Variants in KIF16B observed in about 807,000 individuals in gnomAD.
The protein encoded by KIF16B is kinesin-like protein KIF16B.
A neutral mutation model predicts 156.3 loss-of-function variants in KIF16B; 98 were observed. The observed-to-expected ratio is 0.63, with a 90% CI of 0.53 to 0.74. The LOEUF (loss-of-function observed/expected upper bound fraction) is 0.74. Ranked by LOEUF, KIF16B falls within the 30% of genes least tolerant of loss-of-function variation. The pLI, the probability that KIF16B is intolerant of heterozygous loss-of-function variation, is 0.00. For synonymous variants in KIF16B, 564 were observed against 583.7 expected (o/e 0.97, Z 0.49); for missense variants, 1,421 against 1,606.5 (o/e 0.88, Z 1.97).
At chr20:16,328,649 C>T (rs1448080165) in intron 24 of KIF16B, among the ~76,000 whole-genome samples, 3 of 152,078 alleles carry the variant, frequency 2.0e-5, no homozygotes, top group African/African-American at 2.4e-5. Context: ...TTAGTCCGTT[C>T]GGGCTGCTAT....
chr20:16,448,903 G>GAGAGA (rs2067006563), intron 12 of KIF16B, among the ~76,000 whole-genome samples: 3 of 118,948 alleles, frequency 2.5e-5, no homozygotes, highest in Middle Eastern at 3.8e-3. Context: ...AGAGAGAGAG[G>GAGAGA]GAGGAAACAA....
intron 23 of KIF16B, among the ~76,000 whole-genome samples, chr20:16,348,694 A>G (rs1475307860): frequency 6.6e-6 from 1 of 152,230 alleles, no homozygotes; most frequent in Non-Finnish European, 1.5e-5. Flanking sequence ...GAAGCTTATG[A>G]GGTATAGGCA....
intron 7 of KIF16B, among the ~76,000 whole-genome samples, chr20:16,506,474 A>C (rs771818747): frequency 7.2e-5 from 11 of 152,216 alleles, no homozygotes; most frequent in Non-Finnish European, 1.3e-4. Flanking sequence ...CTAGGCACTG[A>C]GTGGCACTCA....
intron 17 of KIF16B, among the ~76,000 whole-genome samples, chr20:16,388,087 CT>C (rs1001670838): frequency 9.2e-5 from 14 of 152,154 alleles, no homozygotes; most frequent in Non-Finnish European, 1.8e-4. Context: ...AGCAAAATGC[CT>C]TTAGTAAATA....
chr20:16,489,322 C>T (rs942206056), intron 12 of KIF16B, among the ~76,000 whole-genome samples: 2 of 152,084 alleles, frequency 1.3e-5, no homozygotes, highest in African/African-American at 4.8e-5. Context: ...CAGAAAAGGG[C>T]GGCCCACAGG....
At chr20:16,517,468 G>A (rs2069179466) in intron 3 of KIF16B, among the ~76,000 whole-genome samples, 1 of 152,222 alleles carries the variant, frequency 6.6e-6, no homozygotes, top group Admixed American at 6.5e-5. Flanking sequence ...GCTACAGGGA[G>A]AGTAGTGTTA....
Position 16,452,340 on chromosome 20 carries a change from G to A in KIF16B, c.1303-22358C>T, listed in dbSNP as rs1004503487. On this transcript the variant is annotated intron_variant, in intron 12 of 25. Transcript: ENST00000354981. ...GACCCTCATGCTAACAGAAAATTCA[G>A]AAAAATACAAATAATTTGAATATGA... 3.4e-5 allele frequency among the ~76,000 whole-genome samples: 5 copies of A among 146,532 alleles called. No homozygotes were observed. The East Asian group carries it at 7.9e-4, about 23-fold the overall frequency.
At chr20:16,285,985 T>G (rs928763983) in intron 25 of KIF16B, among the ~76,000 whole-genome samples, 1 of 152,240 alleles carries the variant, frequency 6.6e-6, no homozygotes, top group Non-Finnish European at 1.5e-5. Context: ...ACATAGTTTC[T>G]CATTCTGAAA....
In KIF16B at chr20:16,379,506, C is replaced by A. The variant is rs1205572443; in HGVS notation, c.2496G>T (p.Gln832His). The change falls in exon 19 of 26, where the codon CAG becomes CAT. Residue 832 changes from glutamine (Q) to histidine (H), a missense_variant. Gln to His is a conservative substitution (Grantham distance 24). Coordinates refer to ENST00000354981, the MANE Select transcript of KIF16B (RefSeq NM_024704.5). ...TCTCCAAGTTCACTAGCTTGACAAG[C>A]TGCCTTCTCTTGAATTCGAAGAAAC... is the stretch of plus-strand genomic sequence containing the variant. ...QLRFFEFKRR[Q>H]LVKLVNLEKD... The A allele has an allele frequency of 6.2e-7, 1 of 1,614,188 alleles. No homozygotes were observed. Among genetic ancestry groups the A allele is most frequent in the Non-Finnish European group, 8.5e-7 (1 of 1,180,036 alleles).
At chr20:16,396,648 C>CTTT (rs11476845) in intron 17 of KIF16B, among the ~76,000 whole-genome samples, 23 of 124,662 alleles carry the variant, frequency 1.8e-4, no homozygotes, top group Admixed American at 4.9e-4. Context: ...ACTGTAGTCG[C>CTTT]TTTTTTTTTT....
chr20:16,426,963 C>T (rs2066370483), intron 15 of KIF16B, 141 bp downstream of exon 15: 2 of 602,294 alleles, frequency 3.3e-6, no homozygotes, highest in Admixed American at 3.0e-5. Flanking sequence ...AGAAGAGAAA[C>T]AGCCTATTGA....
At chr20:16,398,848 TCCC>T (rs1203313080) in intron 17 of KIF16B, among the ~76,000 whole-genome samples, 2 of 150,948 alleles carry the variant, frequency 1.3e-5, no homozygotes, top group Non-Finnish European at 3.0e-5. Context: ...GGGAGGGGAG[TCCC>T]AGCATTGCTA....
At chr20:16,300,907 A>C (rs1267637644) in intron 25 of KIF16B, among the ~76,000 whole-genome samples, 1 of 152,182 alleles carries the variant, frequency 6.6e-6, no homozygotes, top group African/African-American at 2.4e-5. Flanking sequence ...GGTTTGAAAA[A>C]TGTATAATGG....
intron 1 of KIF16B, among the ~76,000 whole-genome samples, chr20:16,567,938 C>T (rs752787155): frequency 3.3e-5 from 5 of 152,106 alleles, no homozygotes; most frequent in Non-Finnish European, 5.9e-5. Context: ...GGCAACAGAG[C>T]GAGACTTCGT....
chr20:16,495,129 G>C (rs1382859027), intron 11 of KIF16B, among the ~76,000 whole-genome samples: 1 of 152,206 alleles, frequency 6.6e-6, no homozygotes, highest in Non-Finnish European at 1.5e-5. Context: ...TGGAAAGGAA[G>C]AGCCAAGGTC....
intron 1 of KIF16B, among the ~76,000 whole-genome samples, chr20:16,546,725 G>C (rs1266853083): frequency 6.6e-6 from 1 of 152,134 alleles, no homozygotes; most frequent in Non-Finnish European, 1.5e-5. Flanking sequence ...AATTCATAAA[G>C]ATAAGGCTAA....
intron 22 of KIF16B, chr20:16,368,688 C>T (rs1199200744): frequency 4.1e-6 from 4 of 985,856 alleles, no homozygotes; most frequent in African/African-American, 3.5e-5. Context: ...CACCTTGCTG[C>T]TCACTATAAA....
intron 12 of KIF16B, among the ~76,000 whole-genome samples, chr20:16,444,685 C>T (rs1398063848): frequency 6.6e-6 from 1 of 152,188 alleles, no homozygotes; most frequent in Non-Finnish European, 1.5e-5. Context: ...ACATAAAATT[C>T]CATTTTTTTG....
intron 23 of KIF16B, among the ~76,000 whole-genome samples, chr20:16,342,876 C>G (rs1298426530): frequency 6.6e-6 from 1 of 152,208 alleles, no homozygotes; most frequent in Non-Finnish European, 1.5e-5. Flanking sequence ...GCGTTAAATC[C>G]TTTCCCTTGA....
Sources: gnomAD v4.1 joint callset for allele counts (sites outside exome capture counted in the v4.1 genomes callset) on GRCh38, gnomAD v4.1.1 for gene constraint, MANE v1.5 for transcripts, NCBI Gene and HGNC (gene_info 2026-07-23, HGNC 2026-07-21) for gene names.